Variants in CC2D2B observed in about 807,000 individuals in gnomAD.
CC2D2B encodes the protein protein CC2D2B.
Under a neutral mutation model 161.2 loss-of-function variants are expected in CC2D2B, and 128 were observed. The ratio of observed to expected loss-of-function variants is 0.79; its 90% CI spans 0.69 to 0.92. The LOEUF (loss-of-function observed/expected upper bound fraction) is 0.92, where lower values mean the gene tolerates loss of function less well. CC2D2B is among the 40% of genes least tolerant of loss of function. The probability of loss-of-function intolerance (pLI) is 0.00; values close to 1 mark genes in which losing one functional copy is unlikely to be tolerated. For synonymous variants in CC2D2B, 391 were observed against 449.8 expected, an observed-to-expected ratio of 0.87 and a Z score of 1.65; for missense variants, 1,173 against 1,375.1, an observed-to-expected ratio of 0.85 and a Z score of 2.32.
chr10:95,998,675 AG>A, intron 24 of CC2D2B, among the ~76,000 whole-genome samples: 1 of 152,152 alleles, frequency 6.6e-6, no homozygotes, highest in Non-Finnish European at 1.5e-5. Flanking sequence ...TTAAGTCTGA[AG>A]GAAATCTGCT....
chr10:95,951,217 A>G (rs539179658), intron 10 of CC2D2B, among the ~76,000 whole-genome samples: 62 of 152,190 alleles, frequency 4.1e-4, no homozygotes, highest in African/African-American at 1.3e-3. Flanking sequence ...CAGTGGCTCA[A>G]TCATGGCTCA....
chr10:95,996,256 A>T lies in CC2D2B; in HGVS notation c.2849+4A>T. On this transcript the variant is annotated splice_donor_region_variant and intron_variant, in intron 24 of 34. Transcript: ENST00000646931. ...AAGAAATTAAAGTAGATTTTGTGTA[A>T]GTTGGAGTTCATTTTTCCATAGCTC... 1 of 1,317,692 alleles carries T rather than the reference A, an allele frequency of 7.6e-7. No homozygotes were observed. The highest frequency in any genetic ancestry group is 1.5e-5 in the South Asian group (1 of 66,290). The allele number at this position is 1,317,692 out of a possible 1,614,324, so 81.6% of individuals were successfully genotyped here.
chr10:96,032,518 A>C lies in CC2D2B; in HGVS notation c.*510A>C. On this transcript the variant is annotated 3_prime_UTR_variant, in exon 35 of 35. Coordinates refer to ENST00000646931, the MANE Select transcript of CC2D2B (RefSeq NM_001349008.3). ...CTGTTATGAGGGAGAGCCCAGCCTTATAGAATGTTGTCACTACTAAACTAA... is the reference window on the plus strand; with the variant it reads ...CTGTTATGAGGGAGAGCCCAGCCTTCTAGAATGTTGTCACTACTAAACTAA... The C allele has an allele frequency of 7.5e-6, 2 of 267,970 alleles. No individual in the cohort carries two copies. Among genetic ancestry groups the C allele is most frequent in the South Asian group, 8.4e-5 (2 of 23,842 alleles). The allele number at this position is 267,970 out of a possible 1,614,324, so 16.6% of individuals were successfully genotyped here.
intron 11 of CC2D2B, among the ~76,000 whole-genome samples, chr10:95,956,829 T>C (rs1422177759): frequency 6.6e-6 from 1 of 152,208 alleles, no homozygotes; most frequent in East Asian, 1.9e-4. Context: ...ACAATGTAAA[T>C]GCTATGTACA....
intron 9 of CC2D2B, among the ~76,000 whole-genome samples, chr10:95,941,694 C>T (rs939950927): frequency 1.3e-5 from 2 of 151,892 alleles, no homozygotes; most frequent in African/African-American, 4.8e-5. Flanking sequence ...CTGAAAATAA[C>T]AAGTGTTGGC....
In CC2D2B at chr10:95,992,750, G is replaced by A. The variant is rs1178328894; in HGVS notation, c.2642+53G>A. The A allele has an allele frequency of 1.8e-5, 20 of 1,101,140 alleles. No homozygotes were observed. In the South Asian group the frequency reaches 2.8e-4, roughly 15 times the overall value. The allele number at this position is 1,101,140 out of a possible 1,614,324, so 68.2% of individuals were successfully genotyped here. ...GTTGCAAAAGGTCTATTTTAAATGTGAGAATTCTCCATGCTGTTCTATTTG... is the reference window on the plus strand; with the variant it reads ...GTTGCAAAAGGTCTATTTTAAATGTAAGAATTCTCCATGCTGTTCTATTTG... On this transcript the variant is annotated intron_variant, in intron 22 of 34. Transcript: ENST00000646931.
At chr10:95,983,450 T>G (rs1014038055) in intron 18 of CC2D2B, among the ~76,000 whole-genome samples, 156 bp from the exon 19 acceptor site, 1 of 151,994 alleles carries the variant, frequency 6.6e-6, no homozygotes, top group Non-Finnish European at 1.5e-5. Context: ...GGATTCTATT[T>G]TGTTTTGTTT....
intron 24 of CC2D2B, among the ~76,000 whole-genome samples, chr10:96,003,021 A>AATATTATATATATATAT (rs1554847931): frequency 1.4e-5 from 2 of 140,708 alleles, no homozygotes; most frequent in African/African-American, 5.2e-5. Flanking sequence ...AAAATAAATA[A>AATATTATATATATATAT]ATATATATAT....
chr10:95,945,347 G>A (rs1462086533), intron 9 of CC2D2B, among the ~76,000 whole-genome samples: 11 of 151,986 alleles, frequency 7.2e-5, no homozygotes, highest in Non-Finnish European at 1.0e-4. Flanking sequence ...GCTGATTTAC[G>A]GTCTCTCACC....
intron 6 of CC2D2B, among the ~76,000 whole-genome samples, chr10:95,929,172 T>C (rs553925965): frequency 5.1e-4 from 77 of 152,346 alleles, no homozygotes; most frequent in African/African-American, 1.7e-3. Flanking sequence ...TTTTTTTTCA[T>C]ATGTTTGCTG....
chr10:95,993,950 G>GTATATA (rs1423889937), intron 22 of CC2D2B, among the ~76,000 whole-genome samples: 2 of 13,712 alleles, frequency 1.5e-4, no homozygotes, highest in African/African-American at 2.7e-4. Context: ...GTGTATGTAT[G>GTATATA]TGTATATATA....
intron 18 of CC2D2B, among the ~76,000 whole-genome samples, chr10:95,982,592 A>G (rs144204293): frequency 6.6e-6 from 1 of 152,298 alleles, no homozygotes; most frequent in African/African-American, 2.4e-5. Flanking sequence ...AAGGGTGTCC[A>G]TAGCGGTTAT....
chr10:95,916,420 T>C (rs2098516474), intron 2 of CC2D2B, among the ~76,000 whole-genome samples: 1 of 152,130 alleles, frequency 6.6e-6, no homozygotes, highest in Non-Finnish European at 1.5e-5. Flanking sequence ...TTGTTTTTAC[T>C]ATTTCTTCTA....
Position 95,961,972 on chromosome 10 carries a change from A to G in CC2D2B, c.1250+3A>G. ...CCAATAAAGTTACAGGTTCAGAGGT[A>G]AGTGGCTGCTCTATTTGCTCTTATT... On this transcript the variant is annotated splice_donor_region_variant and intron_variant, in intron 12 of 34. Transcript: ENST00000646931. 1 of 1,231,610 alleles carries G rather than the reference A, an allele frequency of 8.1e-7. No individual in the cohort carries two copies. Among genetic ancestry groups the G allele is most frequent in the Non-Finnish European group, 1.0e-6 (1 of 987,586 alleles). 76.3% of individuals were successfully genotyped at this position (1,231,610 alleles called of 1,614,324 possible).
chr10:95,991,469 C>T lies in CC2D2B; in HGVS notation c.2471+8C>T. 8 of 821,700 alleles carry T rather than the reference C, an allele frequency of 9.7e-6. No individual in the cohort carries two copies. Among genetic ancestry groups the T allele is most frequent in the Non-Finnish European group, 1.3e-5 (8 of 613,200 alleles). 50.9% of individuals were successfully genotyped at this position (821,700 alleles called of 1,614,324 possible). A position where few individuals can be genotyped will look rare whatever the true frequency, so the allele number is the denominator to read the frequency against. ...AGAAATTGTATCTACAAGGTAATTG[C>T]TAAAAACTATTAAGTATGAAATATA... On this transcript the variant is annotated splice_region_variant and intron_variant, in intron 21 of 34. Coordinates refer to ENST00000646931, the MANE Select transcript of CC2D2B (RefSeq NM_001349008.3).
chr10:95,992,781 C>A, intron 22 of CC2D2B, 84 bp downstream of exon 22: 2 of 924,412 alleles, frequency 2.2e-6, no homozygotes, highest in Non-Finnish European at 2.8e-6. Flanking sequence ...ATTTGTAAAC[C>A]TTTGCACTTT....
At chr10:95,970,526 C>T (rs921436274) in intron 15 of CC2D2B, among the ~76,000 whole-genome samples, 12 of 152,158 alleles carry the variant, frequency 7.9e-5, no homozygotes, top group African/African-American at 2.7e-4. Flanking sequence ...ATGGTGTTGA[C>T]AGTTGTCAGG....
At chr10:96,015,709 C>T (rs17468599) in intron 29 of CC2D2B, among the ~76,000 whole-genome samples, 7,863 of 152,218 alleles carry the variant, frequency 0.052, 262 homozygotes, top group Middle Eastern at 0.088. Flanking sequence ...GAAGACGTTT[C>T]AGTCACTTTT....
intron 2 of CC2D2B, among the ~76,000 whole-genome samples, chr10:95,918,284 T>C (rs2098520346): frequency 6.6e-6 from 1 of 152,354 alleles, no homozygotes; most frequent in Non-Finnish European, 1.5e-5. Context: ...CCTTTAACAT[T>C]TCTTGCAGAA....
Sources: gnomAD v4.1 joint callset for allele counts (sites outside exome capture counted in the v4.1 genomes callset) on GRCh38, gnomAD v4.1.1 for gene constraint, MANE v1.5 for transcripts, NCBI Gene and HGNC (gene_info 2026-07-23, HGNC 2026-07-21) for gene names.